PRKAG2: variants seen among roughly 807,000 people sequenced by gnomAD.
The protein encoded by PRKAG2 is 5'-AMP-activated protein kinase subunit gamma-2.
PRKAG2 carries 26 observed loss-of-function variants against 69.6 expected under a neutral mutation model. That is an observed-to-expected ratio of 0.37 (90% CI 0.27 to 0.52). PRKAG2 has a LOEUF of 0.52. Ranked by LOEUF, PRKAG2 falls within the 20% of genes least tolerant of loss-of-function variation. PRKAG2 has a pLI of 0.90. For missense variants in PRKAG2, 557 were observed against 740.0 expected, an observed-to-expected ratio of 0.75 and a Z score of 2.87; for synonymous variants, 293 against 285.0, an observed-to-expected ratio of 1.03 and a Z score of -0.28.
intron 2 of PRKAG2, among the ~76,000 whole-genome samples, chr7:151,783,272 G>T (rs1365030687): frequency 6.6e-6 from 1 of 152,264 alleles, no homozygotes; most frequent in African/African-American, 2.4e-5. Context: ...GGCCCGGCAG[G>T]AAGAAGAGTG....
Position 151,870,370 on chromosome 7 carries a change from TG to T in PRKAG2, c.114+6136del, listed in dbSNP as rs1454651876. Among the ~76,000 whole-genome samples, 7 of 152,348 alleles carry T rather than the reference TG, an allele frequency of 4.6e-5. No homozygotes were observed. In the East Asian group the frequency reaches 7.7e-4, roughly 17 times the overall value. On this transcript the variant is annotated intron_variant, in intron 1 of 15. Transcript: ENST00000287878. ...CTCAGGCATTCTGATTCAGTAAGTCTGGGCTACGAAGCAGAATTTTATATTC... is the reference window on the plus strand; with the variant it reads ...CTCAGGCATTCTGATTCAGTAAGTCTGGCTACGAAGCAGAATTTTATATTC...
At chr7:151,744,199 C>A (rs905436419) in intron 3 of PRKAG2, among the ~76,000 whole-genome samples, 1 of 152,204 alleles carries the variant, frequency 6.6e-6, no homozygotes, top group Non-Finnish European at 1.5e-5. Flanking sequence ...CCAAAACATG[C>A]GAGTAAACCC....
intron 5 of PRKAG2, among the ~76,000 whole-genome samples, chr7:151,609,814 T>C (rs573564660): frequency 6.6e-6 from 1 of 152,302 alleles, no homozygotes; most frequent in East Asian, 1.9e-4. Context: ...AAAAGGAAGC[T>C]TCTAACGTGA....
intron 3 of PRKAG2, among the ~76,000 whole-genome samples, chr7:151,773,333 C>T (rs1364958034): frequency 1.3e-5 from 2 of 152,138 alleles, no homozygotes; most frequent in Admixed American, 6.5e-5. Context: ...GGCTAGCTGG[C>T]TATCCCATTA....
At chr7:151,654,874 G>A (rs1829160089) in intron 4 of PRKAG2, among the ~76,000 whole-genome samples, 1 of 152,308 alleles carries the variant, frequency 6.6e-6, no homozygotes, top group Non-Finnish European at 1.5e-5. Context: ...TGTATTTTTA[G>A]TAGCAACGGG....
intron 15 of PRKAG2, 80 bp downstream of exon 15, chr7:151,560,444 T>G: frequency 6.2e-7 from 1 of 1,612,372 alleles, no homozygotes; most frequent in Non-Finnish European, 8.5e-7. Context: ...GGAGAAATGA[T>G]GGTTTAAATG....
At chr7:151,791,614 G>A (rs2077276852) in intron 1 of PRKAG2, among the ~76,000 whole-genome samples, 1 of 152,192 alleles carries the variant, frequency 6.6e-6, no homozygotes, top group African/African-American at 2.4e-5. Flanking sequence ...CACATGTGTT[G>A]GAGATAAAAA....
intron 4 of PRKAG2, among the ~76,000 whole-genome samples, chr7:151,667,129 AAC>A (rs1831170964): frequency 6.6e-6 from 1 of 152,196 alleles, no homozygotes; most frequent in Non-Finnish European, 1.5e-5. Flanking sequence ...AACCTGGGAT[AAC>A]TCTGATGAGC....
At chr7:151,667,436 G>A (rs1023650180) in intron 4 of PRKAG2, among the ~76,000 whole-genome samples, 7 of 152,212 alleles carry the variant, frequency 4.6e-5, no homozygotes, top group Non-Finnish European at 1.0e-4. Context: ...TTCAACTGCA[G>A]ACCTAGCTGT....
intron 3 of PRKAG2, among the ~76,000 whole-genome samples, chr7:151,704,018 C>T (rs1174592971): frequency 2.0e-5 from 3 of 151,644 alleles, no homozygotes; most frequent in Non-Finnish European, 4.4e-5. Context: ...GCCGAGATTG[C>T]GCCATTGCAC....
At chr7:151,743,421 G>A (rs1235903879) in intron 3 of PRKAG2, among the ~76,000 whole-genome samples, 1 of 152,158 alleles carries the variant, frequency 6.6e-6, no homozygotes, top group Non-Finnish European at 1.5e-5. Context: ...GGGAGGGAGT[G>A]AAATCAGAGC....
chr7:151,650,008 G>C (rs895570070), intron 4 of PRKAG2, among the ~76,000 whole-genome samples: 3 of 152,126 alleles, frequency 2.0e-5, no homozygotes, highest in Non-Finnish European at 2.9e-5. Context: ...TGTATGTGTT[G>C]CAAAGCGTAA....
intron 1 of PRKAG2, among the ~76,000 whole-genome samples, chr7:151,867,813 T>C (rs1452156680): frequency 1.3e-5 from 2 of 152,186 alleles, no homozygotes; most frequent in African/African-American, 4.8e-5. Flanking sequence ...GCTCTCTATT[T>C]CTTTATTCAC....
intron 3 of PRKAG2, among the ~76,000 whole-genome samples, chr7:151,723,921 T>G (rs150016238): frequency 2.8e-4 from 43 of 152,310 alleles, no homozygotes; most frequent in African/African-American, 8.9e-4. Flanking sequence ...CAGCTCCATC[T>G]TGGGAGCAAA....
chr7:151,873,480 G>A lies in PRKAG2; in HGVS notation c.114+3027C>T, dbSNP rs368268387. On this transcript the variant is annotated intron_variant, in intron 1 of 15. Coordinates refer to ENST00000287878, the MANE Select transcript of PRKAG2 (RefSeq NM_016203.4). The stretch of plus-strand genomic sequence containing the variant: ...CCTAGCCTGGCACAATGATCCATAG[G>A]TAATGACCATTAGGCAGATGAGGGG... Among the ~76,000 whole-genome samples, 54 of 152,300 alleles carry A rather than the reference G, an allele frequency of 3.5e-4. No individual in the cohort carries two copies. The South Asian group carries it at 6.2e-3, about 18-fold the overall frequency.
chr7:151,639,891 GTCAATCAATCAA>G (rs199740167), intron 4 of PRKAG2, among the ~76,000 whole-genome samples: 1 of 151,996 alleles, frequency 6.6e-6, no homozygotes, highest in Non-Finnish European at 1.5e-5. Flanking sequence ...CTATCAGTCA[GTCAATCAATCAA>G]TCAATCAATC....
At chr7:151,873,641 C>A (rs901044163) in intron 1 of PRKAG2, among the ~76,000 whole-genome samples, 2 of 152,182 alleles carry the variant, frequency 1.3e-5, no homozygotes, top group South Asian at 4.1e-4. Flanking sequence ...ACTACTTTCG[C>A]GGTGGGCTGG....
intron 1 of PRKAG2, among the ~76,000 whole-genome samples, chr7:151,795,876 T>TCACGTGG (rs2077496402): frequency 1.8e-5 from 2 of 112,840 alleles, no homozygotes; most frequent in African/African-American, 3.7e-5. Context: ...TATATATATA[T>TCACGTGG]ATATATATAT....
At position 151,599,142 on chromosome 7, in the gene PRKAG2, T is replaced by G. The variant is rs892837406; in HGVS notation, c.755-3688A>C. Among the ~76,000 whole-genome samples the G allele has an allele frequency of 2.0e-5, 3 of 152,240 alleles. No homozygotes were observed. The East Asian group carries it at 5.8e-4, about 29-fold the overall frequency. ...TGCTGGGATTACAGGTGTGAGCCAC[T>G]GTGCCCAGCCCTAACTGACAATTTA... On this transcript the variant is annotated intron_variant, in intron 5 of 15. Transcript: ENST00000287878.
Sources: allele counts gnomAD v4.1 joint callset (sites outside exome capture counted in the v4.1 genomes callset), GRCh38; gene constraint gnomAD v4.1.1; transcripts MANE v1.5; gene names NCBI Gene and HGNC (gene_info 2026-07-23, HGNC 2026-07-21).